The following KCNMA1 variants were observed in gnomAD, a reference collection of about 807,000 sequenced individuals.
The protein encoded by KCNMA1 is potassium calcium-activated channel subfamily M alpha 1, also known as Calcium-activated potassium channel subunit alpha-1.
Under a neutral mutation model 140.0 loss-of-function variants are expected in KCNMA1, and 29 were observed. That is an observed-to-expected ratio of 0.21 (90% CI 0.15 to 0.28). The LOEUF (loss-of-function observed/expected upper bound fraction) is 0.28. KCNMA1 is among the 10% of genes least tolerant of loss of function. The pLI is 1.00. For missense variants in KCNMA1, 880 were observed against 1,602.2 expected (o/e 0.55, Z 7.70); for synonymous variants, 612 against 611.9 (o/e 1.00, Z 0.00).
intron 22 of KCNMA1, among the ~76,000 whole-genome samples, chr10:76,947,992 GTTGTTTCTTGT>G (rs2064775424): frequency 9.6e-5 from 1 of 10,462 alleles, no homozygotes; most frequent in South Asian, 7.7e-3. Flanking sequence ...ATGTTCCTCA[GTTGTTTCTTGT>G]TTTGTTTTTG....
At chr10:77,448,672 A>T (rs549385092) in intron 1 of KCNMA1, among the ~76,000 whole-genome samples, 80 of 152,304 alleles carry the variant, frequency 5.3e-4, no homozygotes, top group African/African-American at 1.8e-3. Context: ...TATTATTTGA[A>T]ATTTTTATCA....
intron 23 of KCNMA1, among the ~76,000 whole-genome samples, chr10:76,921,455 A>G (rs1014262088): frequency 4.6e-5 from 7 of 152,222 alleles, no homozygotes; most frequent in Admixed American, 2.0e-4. Context: ...AAATGCAACA[A>G]TGCTATTTAA....
chr10:77,076,353 T>G (rs1188683310), intron 13 of KCNMA1, among the ~76,000 whole-genome samples: 1 of 152,230 alleles, frequency 6.6e-6, no homozygotes, highest in Non-Finnish European at 1.5e-5. Context: ...CTTGAAGAGC[T>G]TTGAGCCATT....
chr10:77,367,990 A>G (rs560254559), intron 2 of KCNMA1, among the ~76,000 whole-genome samples: 10 of 152,334 alleles, frequency 6.6e-5, no homozygotes, highest in African/African-American at 2.2e-4. Context: ...ATGAATAGAG[A>G]TGCTACAAAC....
intron 29 of KCNMA1, among the ~76,000 whole-genome samples, chr10:76,879,550 A>G (rs891028817): frequency 1.3e-5 from 2 of 151,194 alleles, no homozygotes; most frequent in Admixed American, 6.6e-5. Context: ...TTCTTTCTAC[A>G]TTCATTTATC....
chr10:77,005,808 A>C (rs1021318409), intron 18 of KCNMA1, among the ~76,000 whole-genome samples: 1 of 152,182 alleles, frequency 6.6e-6, no homozygotes, highest in Non-Finnish European at 1.5e-5. Context: ...ACAGAGACAA[A>C]ATAGAAGTAT....
chr10:77,439,643 C>A (rs143740800), intron 1 of KCNMA1, among the ~76,000 whole-genome samples: 1,607 of 152,230 alleles, frequency 0.011, 26 homozygotes, highest in African/African-American at 0.036. Flanking sequence ...CTGAAAGTGG[C>A]CAGGGGACAG....
chr10:77,010,883 AT>A (rs1473565690), intron 18 of KCNMA1, among the ~76,000 whole-genome samples: 3 of 152,020 alleles, frequency 2.0e-5, no homozygotes, highest in Admixed American at 2.0e-4. Context: ...GACTGCCCAC[AT>A]TGCCTTTCCC....
intron 2 of KCNMA1, among the ~76,000 whole-genome samples, chr10:77,391,564 T>C (rs142504640): frequency 5.7e-4 from 87 of 152,330 alleles, no homozygotes; most frequent in African/African-American, 2.1e-3. Flanking sequence ...ATAAAAATTT[T>C]AGGGCAAATG....
intron 2 of KCNMA1, among the ~76,000 whole-genome samples, chr10:77,366,331 G>T (rs1370462024): frequency 6.6e-6 from 1 of 152,034 alleles, no homozygotes; most frequent in South Asian, 2.1e-4. Context: ...ACCATGCCCA[G>T]CTAATTTTTG....
intron 2 of KCNMA1, among the ~76,000 whole-genome samples, chr10:77,312,557 C>G (rs1311136855): frequency 2.6e-5 from 4 of 152,148 alleles, no homozygotes; most frequent in African/African-American, 9.7e-5. Context: ...ACTTGGGAGA[C>G]GGAGATTGTA....
chr10:77,442,501 G>A (rs2097429045), intron 1 of KCNMA1, among the ~76,000 whole-genome samples: 1 of 152,130 alleles, frequency 6.6e-6, no homozygotes, highest in African/African-American at 2.4e-5. Context: ...TCTTGGGTCT[G>A]CTACTTTACT....
chr10:77,101,435 G>A (rs1053556373), intron 9 of KCNMA1, among the ~76,000 whole-genome samples: 1 of 152,186 alleles, frequency 6.6e-6, no homozygotes, highest in Non-Finnish European at 1.5e-5. Flanking sequence ...CTTATTTACT[G>A]TATCTGTCTG....
At chr10:76,920,141 G>C (rs1285687254) in intron 23 of KCNMA1, among the ~76,000 whole-genome samples, 1 of 148,842 alleles carries the variant, frequency 6.7e-6, no homozygotes, top group Non-Finnish European at 1.5e-5. Flanking sequence ...AGGGTTCCAG[G>C]ACACTGTAAA....
chr10:77,252,975 C>A (rs958690312), intron 2 of KCNMA1, among the ~76,000 whole-genome samples: 1 of 152,120 alleles, frequency 6.6e-6, no homozygotes, highest in Non-Finnish European at 1.5e-5. Flanking sequence ...GCTGCCTCAC[C>A]TCAACCCCTC....
intron 1 of KCNMA1, among the ~76,000 whole-genome samples, chr10:77,574,030 T>C (rs548611330): frequency 6.6e-6 from 1 of 152,076 alleles, no homozygotes; most frequent in African/African-American, 2.4e-5. Context: ...GAGACAGGGT[T>C]TCACCATGTT....
intron 5 of KCNMA1, among the ~76,000 whole-genome samples, chr10:77,164,315 G>C (rs2098607708): frequency 6.6e-6 from 1 of 152,184 alleles, no homozygotes; most frequent in Non-Finnish European, 1.5e-5. Flanking sequence ...GGCATAAAGG[G>C]AGGCCAGGTT....
chr10:77,615,465 A>C (rs958750055), intron 1 of KCNMA1, among the ~76,000 whole-genome samples: 1 of 152,166 alleles, frequency 6.6e-6, no homozygotes, highest in Non-Finnish European at 1.5e-5. Context: ...CAGAACAGGC[A>C]GGAGCACAAT....
chr10:77,233,396 C>CA (rs1565386584), intron 3 of KCNMA1, among the ~76,000 whole-genome samples: 1 of 151,922 alleles, frequency 6.6e-6, no homozygotes, highest in Non-Finnish European at 1.5e-5. Context: ...TGATTTGGAC[C>CA]AAAAAAATTA....
Sources: gnomAD v4.1 joint callset for allele counts (sites outside exome capture counted in the v4.1 genomes callset) on GRCh38, gnomAD v4.1.1 for gene constraint, MANE v1.5 for transcripts, NCBI Gene and HGNC (gene_info 2026-07-23, HGNC 2026-07-21) for gene names.